Variants in ELMO1 observed in about 807,000 individuals in gnomAD.
The protein encoded by ELMO1 is engulfment and cell motility protein 1.
Under a neutral mutation model 98.9 loss-of-function variants are expected in ELMO1, and 26 were observed. The observed-to-expected ratio is 0.26, with a 90% CI of 0.19 to 0.36. The LOEUF (loss-of-function observed/expected upper bound fraction) is 0.36, where lower values mean the gene tolerates loss of function less well. Among genes scored for constraint, ELMO1 ranks in the 10% least tolerant of loss-of-function variants. The pLI is 1.00. For synonymous variants in ELMO1, 346 were observed against 346.0 expected, an observed-to-expected ratio of 1.00 and a Z score of 0.00; for missense variants, 627 against 935.2, an observed-to-expected ratio of 0.67 and a Z score of 4.30.
intron 1 of ELMO1, among the ~76,000 whole-genome samples, chr7:37,402,429 T>C (rs1225415595): frequency 1.3e-5 from 2 of 152,106 alleles, no homozygotes; most frequent in Non-Finnish European, 2.9e-5. Flanking sequence ...TTCACTTTTC[T>C]GAAAAAAGGA....
chr7:37,100,867 C>G (rs1306663128), intron 14 of ELMO1, among the ~76,000 whole-genome samples: 2 of 152,192 alleles, frequency 1.3e-5, no homozygotes, highest in Non-Finnish European at 2.9e-5. Context: ...AAGGTGCCGC[C>G]AACTAGGATG....
chr7:37,323,326 C>A (rs1323333107), intron 2 of ELMO1, among the ~76,000 whole-genome samples: 1 of 152,100 alleles, frequency 6.6e-6, no homozygotes, highest in Non-Finnish European at 1.5e-5. Flanking sequence ...TCCTTTGTTA[C>A]TTTACTAAAG....
At chr7:37,368,004 G>A (rs1039549374) in intron 1 of ELMO1, among the ~76,000 whole-genome samples, 1 of 152,134 alleles carries the variant, frequency 6.6e-6, no homozygotes, top group Non-Finnish European at 1.5e-5. Context: ...TCTTAGGAAC[G>A]TAGGCAAATT....
chr7:37,246,009 G>A (rs1196240409), intron 6 of ELMO1, among the ~76,000 whole-genome samples: 2 of 152,136 alleles, frequency 1.3e-5, no homozygotes, highest in Admixed American at 6.6e-5. Context: ...AAAAACACAC[G>A]AATCTGCTTG....
chr7:37,134,802 A>T (rs1205255133), intron 13 of ELMO1, among the ~76,000 whole-genome samples: 1 of 152,254 alleles, frequency 6.6e-6, no homozygotes, highest in East Asian at 1.9e-4. Flanking sequence ...TAAGTGACAT[A>T]ACTCAGAAAC....
chr7:37,107,789 T>C (rs1785030274), intron 14 of ELMO1, among the ~76,000 whole-genome samples: 1 of 152,220 alleles, frequency 6.6e-6, no homozygotes. Context: ...TTGAATATAA[T>C]TCATTTTACA....
intron 15 of ELMO1, among the ~76,000 whole-genome samples, chr7:37,029,733 C>T (rs570900538): frequency 3.3e-5 from 5 of 152,160 alleles, no homozygotes; most frequent in African/African-American, 1.2e-4. Context: ...TCCACAGCAT[C>T]GTAAGCTAAT....
chr7:37,412,864 G>A (rs1018019175), intron 1 of ELMO1, among the ~76,000 whole-genome samples: 2 of 152,210 alleles, frequency 1.3e-5, no homozygotes, highest in Non-Finnish European at 2.9e-5. Context: ...GCCAGCAGCA[G>A]CTTGTCAGCC....
intron 15 of ELMO1, among the ~76,000 whole-genome samples, chr7:37,018,559 C>G (rs1449497863): frequency 2.0e-5 from 3 of 151,958 alleles, no homozygotes; most frequent in Non-Finnish European, 4.4e-5. Context: ...TCACTGCAAC[C>G]TCTTCCTCCT....
intron 15 of ELMO1, among the ~76,000 whole-genome samples, chr7:37,074,064 T>C (rs1797426747): frequency 6.7e-6 from 1 of 148,554 alleles, no homozygotes; most frequent in Non-Finnish European, 1.5e-5. Context: ...TATAATACAG[T>C]ATAATTAAAT....
intron 7 of ELMO1, among the ~76,000 whole-genome samples, chr7:37,243,679 C>G (rs1794862618): frequency 6.6e-6 from 1 of 152,156 alleles, no homozygotes; most frequent in Non-Finnish European, 1.5e-5. Context: ...CTTTGAGACG[C>G]TGGTCAGTGT....
In ELMO1 at chr7:36,853,382, T is replaced by C. The variant is rs1384542277; in HGVS notation, c.*2169A>G. Among the ~76,000 whole-genome samples, 1 of 152,228 alleles carries C rather than the reference T, an allele frequency of 6.6e-6. No individual in the cohort carries two copies. The highest frequency in any genetic ancestry group is 6.5e-5 in the Admixed American group (1 of 15,288). On this transcript the variant is annotated 3_prime_UTR_variant, in exon 22 of 22. Coordinates refer to ENST00000310758, the MANE Select transcript of ELMO1 (RefSeq NM_014800.11). ...CAGTGTCTCAGGACCTCAGAGATCCTGGTCCAGAAAGTTCCCTTTTTCATG... is the reference window on the plus strand; with the variant it reads ...CAGTGTCTCAGGACCTCAGAGATCCCGGTCCAGAAAGTTCCCTTTTTCATG...
chr7:37,111,937 A>T (rs915556357), intron 14 of ELMO1, among the ~76,000 whole-genome samples: 1 of 152,194 alleles, frequency 6.6e-6, no homozygotes, highest in African/African-American at 2.4e-5. Context: ...TGGCTTTCAT[A>T]ACTGAGATTT....
chr7:36,882,793 T>A (rs529560057), intron 18 of ELMO1, among the ~76,000 whole-genome samples: 1 of 152,238 alleles, frequency 6.6e-6, no homozygotes, highest in Non-Finnish European at 1.5e-5. Context: ...TCAGAACATA[T>A]TTGTAGTTTC....
At chr7:37,429,674 G>A (rs556346245) in intron 1 of ELMO1, 2 of 152,436 alleles carry the variant, frequency 1.3e-5, no homozygotes, top group East Asian at 3.9e-4. Context: ...CATGCATTTT[G>A]TTTTTGTTTT....
At chr7:37,092,566 T>TG (rs1168575749) in intron 15 of ELMO1, among the ~76,000 whole-genome samples, 13 of 149,528 alleles carry the variant, frequency 8.7e-5, no homozygotes, top group Non-Finnish European at 1.9e-4. Context: ...TTTGTAGAGA[T>TG]GGGTTTCACC....
At chr7:37,217,574 T>C (rs574905185) in intron 10 of ELMO1, 2 of 390,454 alleles carry the variant, frequency 5.1e-6, no homozygotes, top group African/African-American at 4.2e-5. Flanking sequence ...TTAAAACAAA[T>C]TTGCAGAAAG....
intron 16 of ELMO1, among the ~76,000 whole-genome samples, chr7:36,971,976 C>T (rs925465846): frequency 1.3e-5 from 2 of 152,114 alleles, no homozygotes; most frequent in South Asian, 2.1e-4. Flanking sequence ...GGGGACCATG[C>T]GGGCTTTCTT....
intron 4 of ELMO1, among the ~76,000 whole-genome samples, chr7:37,292,979 G>C (rs1357600495): frequency 1.9e-5 from 1 of 53,162 alleles, no homozygotes; most frequent in African/African-American, 5.6e-5. Context: ...GCCTCTGCCC[G>C]GCCGCCCCTA....
Sources: gnomAD v4.1 joint callset for allele counts (sites outside exome capture counted in the v4.1 genomes callset) on GRCh38, gnomAD v4.1.1 for gene constraint, MANE v1.5 for transcripts, NCBI Gene and HGNC (gene_info 2026-07-23, HGNC 2026-07-21) for gene names.